IGF2BP2: variants seen among roughly 807,000 people sequenced by gnomAD.
The protein encoded by IGF2BP2 is insulin like growth factor 2 mRNA binding protein 2, also known as insulin-like growth factor 2 mRNA-binding protein 2.
Under a neutral mutation model 75.8 loss-of-function variants are expected in IGF2BP2, and 17 were observed. That is an observed-to-expected ratio of 0.22 (90% CI 0.15 to 0.34). The LOEUF (loss-of-function observed/expected upper bound fraction) is 0.34. Ranked by LOEUF, IGF2BP2 falls within the 10% of genes least tolerant of loss-of-function variation. IGF2BP2 has a pLI of 1.00. For synonymous variants in IGF2BP2, 288 were observed against 295.6 expected (o/e 0.97, Z 0.26); for missense variants, 516 against 772.4 (o/e 0.67, Z 3.93).
At position 185,687,147 on chromosome 3, in the gene IGF2BP2, G is replaced by A; in HGVS notation, c.722C>T (p.Pro241Leu). The A allele has an allele frequency of 6.2e-7, 1 of 1,613,630 alleles. No individual in the cohort carries two copies. The highest frequency in any genetic ancestry group is 8.5e-7 in the Non-Finnish European group (1 of 1,179,886). Residue 241 changes from proline (P) to leucine (L), a missense_variant, in exon 7 of 16, where the codon CCT (proline) becomes CTT (leucine). Pro to Leu is a moderately conservative substitution (Grantham distance 98). Transcript: ENST00000382199. ...RKENSGAAEK[P>L]VTIHATPEGT... ...CTCTGGGGTGGCATGGATGGTGACA[G>A]GCTTCTCTGCAGCTCCAGAGTTCTC...
chr3:185,821,178 A>G (rs552691122), intron 2 of IGF2BP2: 3 of 1,387,858 alleles, frequency 2.2e-6, no homozygotes, highest in Non-Finnish European at 9.4e-7. Flanking sequence ...AAAGGAAAGG[A>G]AAAAAAAATT....
At chr3:185,768,353 T>C (rs1733379276) in intron 2 of IGF2BP2, among the ~76,000 whole-genome samples, 1 of 152,062 alleles carries the variant, frequency 6.6e-6, no homozygotes, top group South Asian at 2.1e-4. Flanking sequence ...TAGTTAGAGG[T>C]GTCACGATGC....
At chr3:185,764,471 G>A (rs184091831) in intron 2 of IGF2BP2, among the ~76,000 whole-genome samples, 1 of 152,300 alleles carries the variant, frequency 6.6e-6, no homozygotes, top group Admixed American at 6.5e-5. Context: ...GCCCAAGGCT[G>A]AAGCCTAGGG....
At chr3:185,746,007 G>A (rs577172489) in intron 2 of IGF2BP2, among the ~76,000 whole-genome samples, 30 of 152,298 alleles carry the variant, frequency 2.0e-4, no homozygotes, top group African/African-American at 6.7e-4. Context: ...GGTTTGGGAA[G>A]ACAACCTTTC....
chr3:185,659,448 A>G (rs1577846827), intron 10 of IGF2BP2, among the ~76,000 whole-genome samples: 1 of 152,172 alleles, frequency 6.6e-6, no homozygotes, highest in South Asian at 2.1e-4. Context: ...ATCTCGGCTC[A>G]CTGCAACCTC....
At chr3:185,707,166 G>A (rs1429252224) in intron 2 of IGF2BP2, among the ~76,000 whole-genome samples, 22 of 147,612 alleles carry the variant, frequency 1.5e-4, no homozygotes, top group African/African-American at 4.0e-4. Flanking sequence ...TGGAGGCTGC[G>A]GTGAGCCAAG....
At chr3:185,704,165 C>A (rs999845975) in intron 2 of IGF2BP2, among the ~76,000 whole-genome samples, 3 of 152,206 alleles carry the variant, frequency 2.0e-5, no homozygotes. Context: ...GGGATTTCCT[C>A]ATGTGCATTA....
At chr3:185,669,370 C>A (rs1300955510) in intron 10 of IGF2BP2, among the ~76,000 whole-genome samples, 1 of 151,966 alleles carries the variant, frequency 6.6e-6, no homozygotes, top group East Asian at 1.9e-4. Flanking sequence ...CACACACACA[C>A]ACGCACATAC....
intron 2 of IGF2BP2, among the ~76,000 whole-genome samples, chr3:185,781,960 A>C (rs1402835282): frequency 6.6e-6 from 1 of 152,160 alleles, no homozygotes; most frequent in Non-Finnish European, 1.5e-5. Context: ...GCTACTTGAA[A>C]TATTTTTTTT....
intron 2 of IGF2BP2, chr3:185,729,574 G>A (rs1449703767): frequency 6.6e-6 from 1 of 152,122 alleles, no homozygotes; most frequent in East Asian, 1.9e-4. Flanking sequence ...ATAACCCAGT[G>A]ACTCAATATT....
chr3:185,731,246 CTTTTTTTT>C (rs760172663), intron 2 of IGF2BP2, among the ~76,000 whole-genome samples: 1 of 129,254 alleles, frequency 7.7e-6, no homozygotes, highest in African/African-American at 2.9e-5. Flanking sequence ...GCATCACTTT[CTTTTTTTT>C]TTTTTTTTTT....
intron 12 of IGF2BP2, among the ~76,000 whole-genome samples, chr3:185,653,656 TTG>T (rs1560229682): frequency 6.6e-6 from 1 of 150,594 alleles, no homozygotes. Flanking sequence ...GCATTTAGGA[TTG>T]TAAGGATGAG....
intron 2 of IGF2BP2, among the ~76,000 whole-genome samples, chr3:185,719,679 C>T (rs1726203223): frequency 1.3e-5 from 2 of 152,232 alleles, no homozygotes; most frequent in Middle Eastern, 3.4e-3. Flanking sequence ...ACTAAAAGTA[C>T]AAAAATTAGC....
At chr3:185,818,991 A>G (rs935566733) in intron 2 of IGF2BP2, among the ~76,000 whole-genome samples, 11 of 152,200 alleles carry the variant, frequency 7.2e-5, no homozygotes, top group African/African-American at 2.7e-4. Context: ...TCTTTTAAAA[A>G]TATTTTAAAA....
At chr3:185,770,411 G>C (rs1733723071) in intron 2 of IGF2BP2, among the ~76,000 whole-genome samples, 2 of 152,208 alleles carry the variant, frequency 1.3e-5, no homozygotes, top group Admixed American at 1.3e-4. Context: ...GTGAGAAAGA[G>C]TAGTGGGTTA....
chr3:185,758,671 G>C (rs1731953294), intron 2 of IGF2BP2, among the ~76,000 whole-genome samples: 1 of 152,180 alleles, frequency 6.6e-6, no homozygotes, highest in South Asian at 2.1e-4. Flanking sequence ...TTTCGGGAGA[G>C]AGAAAAATAA....
intron 2 of IGF2BP2, among the ~76,000 whole-genome samples, chr3:185,722,691 C>T (rs894224888): frequency 1.3e-5 from 2 of 152,146 alleles, no homozygotes; most frequent in Non-Finnish European, 1.5e-5. Context: ...TCACAGCTCA[C>T]TGGAAAACTG....
chr3:185,745,811 C>T (rs1730182903), intron 2 of IGF2BP2, among the ~76,000 whole-genome samples: 1 of 152,008 alleles, frequency 6.6e-6, no homozygotes, highest in East Asian at 1.9e-4. Flanking sequence ...ATCACTCGCA[C>T]CATTTCGTAT....
chr3:185,824,646 G>A (rs1261698763), intron 1 of IGF2BP2, 137 bp downstream of exon 1: 3 of 480,056 alleles, frequency 6.2e-6, no homozygotes, highest in Non-Finnish European at 9.6e-6. Flanking sequence ...CGAGAGTTGA[G>A]GGTCTGGTGC....
Sources: allele counts gnomAD v4.1 joint callset (sites outside exome capture counted in the v4.1 genomes callset), GRCh38; gene constraint gnomAD v4.1.1; transcripts MANE v1.5; gene names NCBI Gene and HGNC (gene_info 2026-07-23, HGNC 2026-07-21).